The following SLC24A2 variants were observed in gnomAD, a reference collection of about 807,000 sequenced individuals.
The protein encoded by SLC24A2 is solute carrier family 24 member 2.
In SLC24A2, 36 loss-of-function variants were observed where a neutral mutation model predicts 62.0. That is an observed-to-expected ratio of 0.58 (90% CI 0.44 to 0.77). SLC24A2 has a LOEUF of 0.77. Ranked by LOEUF, SLC24A2 falls within the 30% of genes least tolerant of loss-of-function variation. The pLI is 0.00. For missense variants in SLC24A2, 846 were observed against 817.9 expected (o/e 1.03, Z -0.42); for synonymous variants, 358 against 294.0 (o/e 1.22, Z -2.23).
chr9:19,701,175 A>G (rs1820345391), intron 2 of SLC24A2, among the ~76,000 whole-genome samples: 1 of 152,238 alleles, frequency 6.6e-6, no homozygotes, highest in African/African-American at 2.4e-5. Flanking sequence ...TTAACCTGTT[A>G]GGTGCTAGTA....
At chr9:20,123,614 A>G in the SLC24A2 span, among the ~76,000 whole-genome samples, 1 of 152,236 alleles carries the variant, frequency 6.6e-6, no homozygotes, top group Admixed American at 6.5e-5. Flanking sequence ...TAACTGTACA[A>G]TAGAAAAAAT....
chr9:20,200,261 G>A, the SLC24A2 span, among the ~76,000 whole-genome samples: 1 of 152,150 alleles, frequency 6.6e-6, no homozygotes, highest in Non-Finnish European at 1.5e-5. Context: ...TATTTCCAGT[G>A]CCAAACACTG....
At chr9:19,749,000 C>T (rs907709673) in intron 2 of SLC24A2, among the ~76,000 whole-genome samples, 3 of 151,112 alleles carry the variant, frequency 2.0e-5, no homozygotes, top group African/African-American at 7.3e-5. Context: ...GGATAAGACA[C>T]ATTTGATCAG....
intron 2 of SLC24A2, among the ~76,000 whole-genome samples, chr9:19,706,515 G>A (rs1435842785): frequency 6.6e-6 from 1 of 151,924 alleles, no homozygotes; most frequent in Non-Finnish European, 1.5e-5. Flanking sequence ...GTGTAGCTGG[G>A]ACTACAGGCA....
At chr9:20,233,877 T>G in the SLC24A2 span, among the ~76,000 whole-genome samples, 1 of 152,334 alleles carries the variant, frequency 6.6e-6, no homozygotes, top group East Asian at 1.9e-4. Context: ...GTTGTCCCTT[T>G]CCATGTTTAA....
In SLC24A2 at chr9:19,577,061, G is replaced by GA. The variant is rs1265998171; in HGVS notation, c.1130-40dup. 3 of 1,539,070 alleles carry GA rather than the reference G, an allele frequency of 1.9e-6. No homozygotes were observed. In the African/African-American group the frequency reaches 4.1e-5, roughly 21 times the overall value. On this transcript the variant is annotated intron_variant, in intron 5 of 10. Transcript: ENST00000341998. ...AAGTGGCAGGAAGGAGACACAATGA[G>GA]AAAGAAGAGAGTCTCAGGGCCAAGC...
the SLC24A2 span, among the ~76,000 whole-genome samples, chr9:20,121,216 G>A: frequency 1.3e-5 from 2 of 150,982 alleles, no homozygotes; most frequent in East Asian, 3.9e-4. Flanking sequence ...GGAAATAAAT[G>A]GCATGTTAGC....
chr9:19,968,215 T>C, the SLC24A2 span, among the ~76,000 whole-genome samples: 1 of 152,210 alleles, frequency 6.6e-6, no homozygotes, highest in South Asian at 2.1e-4. Flanking sequence ...AACTCTGCTT[T>C]CCATTGTTCA....
At chr9:20,046,651 A>C in the SLC24A2 span, among the ~76,000 whole-genome samples, 1 of 152,246 alleles carries the variant, frequency 6.6e-6, no homozygotes, top group Non-Finnish European at 1.5e-5. Flanking sequence ...GAACCTCTAT[A>C]GTCTTCAGAA....
chr9:20,200,034 A>G, the SLC24A2 span, among the ~76,000 whole-genome samples: 1 of 151,840 alleles, frequency 6.6e-6, no homozygotes, highest in African/African-American at 2.4e-5. Flanking sequence ...ACCAGCTGAT[A>G]TCTGGTTTTC....
chr9:19,787,067 T>C, intron 1 of SLC24A2, 48 bp from the exon 2 acceptor site: 1 of 1,325,290 alleles, frequency 7.5e-7, no homozygotes, highest in Non-Finnish European at 9.8e-7. Context: ...AAATCACGTC[T>C]TTTTAATAAA....
the SLC24A2 span, among the ~76,000 whole-genome samples, chr9:19,907,038 G>C: frequency 6.6e-6 from 1 of 152,122 alleles, no homozygotes; most frequent in Non-Finnish European, 1.5e-5. Flanking sequence ...GAGAATTTTA[G>C]ACCAATATCC....
the SLC24A2 span, among the ~76,000 whole-genome samples, chr9:20,078,131 G>A: frequency 6.6e-6 from 1 of 152,122 alleles, no homozygotes; most frequent in African/African-American, 2.4e-5. Context: ...TTAACCTATA[G>A]GCTGCCCCTT....
At chr9:19,751,642 G>C (rs10811231) in intron 2 of SLC24A2, among the ~76,000 whole-genome samples, 2,996 of 152,252 alleles carry the variant, frequency 0.02, 43 homozygotes, top group South Asian at 0.034. Context: ...ATGGGGAGTA[G>C]AGAGTTCCAT....
chr9:19,577,061 G>A, intron 5 of SLC24A2, 39 bp from the exon 6 acceptor site: 3 of 1,539,188 alleles, frequency 1.9e-6, no homozygotes, highest in Non-Finnish European at 2.7e-6. Context: ...GACACAATGA[G>A]AAAGAAGAGA....
chr9:19,776,139 G>A (rs1219510939), intron 2 of SLC24A2, among the ~76,000 whole-genome samples: 3 of 152,162 alleles, frequency 2.0e-5, no homozygotes, highest in East Asian at 1.9e-4. Flanking sequence ...TTTACATGGG[G>A]CATGGTCAAA....
chr9:19,990,844 T>A, the SLC24A2 span, among the ~76,000 whole-genome samples: 1 of 105,664 alleles, frequency 9.5e-6, no homozygotes. Flanking sequence ...GTAGCTGTCT[T>A]GGTTATCAAA....
At chr9:19,567,534 G>A (rs1356586108) in intron 7 of SLC24A2, among the ~76,000 whole-genome samples, 4 of 108,688 alleles carry the variant, frequency 3.7e-5, no homozygotes, top group African/African-American at 1.6e-4. Flanking sequence ...GACAGAGCAA[G>A]ACTCCATCTC....
chr9:19,918,145 T>C, the SLC24A2 span, among the ~76,000 whole-genome samples: 6,604 of 62,512 alleles, frequency 0.11, 245 homozygotes, highest in East Asian at 0.46. Flanking sequence ...ACATTATGTG[T>C]GTGTGTGTGT....
Sources: allele counts gnomAD v4.1 joint callset (sites outside exome capture counted in the v4.1 genomes callset), GRCh38; gene constraint gnomAD v4.1.1; transcripts MANE v1.5; gene names NCBI Gene and HGNC (gene_info 2026-07-23, HGNC 2026-07-21).